The following NRXN1 variants were observed in gnomAD, a reference collection of about 807,000 sequenced individuals.
NRXN1 encodes neurexin-1.
NRXN1 carries 39 observed loss-of-function variants against 150.9 expected under a neutral mutation model. That is an observed-to-expected ratio of 0.26 (90% CI 0.20 to 0.34). The LOEUF is 0.34. Ranked by LOEUF, NRXN1 falls within the 10% of genes least tolerant of loss-of-function variation. NRXN1 has a pLI of 1.00. For missense variants in NRXN1, 1,815 were observed against 1,949.9 expected (o/e 0.93, Z 1.30); for synonymous variants, 924 against 757.0 (o/e 1.22, Z -3.62).
chr2:50,323,025 A>G (rs550635310), intron 17 of NRXN1, among the ~76,000 whole-genome samples: 1 of 152,330 alleles, frequency 6.6e-6, no homozygotes, highest in Admixed American at 6.5e-5. Context: ...GTAAGCATAA[A>G]AAACTATTTA....
At chr2:51,030,383 G>C (rs996791157) in intron 1 of NRXN1, among the ~76,000 whole-genome samples, 7 of 151,742 alleles carry the variant, frequency 4.6e-5, no homozygotes, top group African/African-American at 7.3e-5. Context: ...TTATGGCACC[G>C]CATTGTGCTG....
At chr2:50,872,389 G>C (rs965133845) in intron 5 of NRXN1, among the ~76,000 whole-genome samples, 4 of 151,750 alleles carry the variant, frequency 2.6e-5, no homozygotes, top group African/African-American at 9.7e-5. Context: ...GGAGTGTGGA[G>C]TACTTGCAGG....
At chr2:50,253,422 G>T (rs2067363018) in intron 17 of NRXN1, among the ~76,000 whole-genome samples, 1 of 152,062 alleles carries the variant, frequency 6.6e-6, no homozygotes, top group Non-Finnish European at 1.5e-5. Context: ...TTGCTCGTTT[G>T]CACTGACCAG....
At chr2:50,484,357 T>C (rs1381833289) in intron 15 of NRXN1, among the ~76,000 whole-genome samples, 2 of 152,202 alleles carry the variant, frequency 1.3e-5, no homozygotes, top group East Asian at 3.8e-4. Flanking sequence ...GTTGCTATAG[T>C]GTAATTTCCT....
At chr2:50,393,791 A>G (rs940407048) in intron 17 of NRXN1, among the ~76,000 whole-genome samples, 1 of 152,122 alleles carries the variant, frequency 6.6e-6, no homozygotes, top group African/African-American at 2.4e-5. Context: ...CTGCTGACAC[A>G]TACAATTCCC....
At chr2:50,552,459 C>T (rs1667672090) in intron 9 of NRXN1, 128 bp downstream of exon 9, 1 of 691,262 alleles carries the variant, frequency 1.4e-6, no homozygotes, top group Admixed American at 2.6e-5. Context: ...CAATATCAGG[C>T]AATTTCTTTT....
At chr2:50,937,299 G>A (rs549957124) in intron 2 of NRXN1, among the ~76,000 whole-genome samples, 1 of 151,930 alleles carries the variant, frequency 6.6e-6, no homozygotes, top group Non-Finnish European at 1.5e-5. Context: ...CCCTTCTTTT[G>A]TTCAGCTTCT....
At chr2:50,092,084 G>A (rs1034441968) in intron 18 of NRXN1, among the ~76,000 whole-genome samples, 9 of 152,122 alleles carry the variant, frequency 5.9e-5, no homozygotes, top group African/African-American at 2.2e-4. Context: ...GATAACACAG[G>A]AAGGTACAAG....
At chr2:50,095,763 AC>A (rs1482316026) in intron 18 of NRXN1, among the ~76,000 whole-genome samples, 1 of 29,290 alleles carries the variant, frequency 3.4e-5, no homozygotes, top group Non-Finnish European at 6.3e-5. Flanking sequence ...AGAACATCCG[AC>A]TTTTTTTTTT....
chr2:50,668,432 C>T (rs1414631639), intron 5 of NRXN1, among the ~76,000 whole-genome samples: 1 of 151,718 alleles, frequency 6.6e-6, no homozygotes, highest in African/African-American at 2.4e-5. Context: ...ATATTGGTAT[C>T]CATAAGTTAT....
At chr2:50,178,125 T>C (rs1256333482) in intron 18 of NRXN1, among the ~76,000 whole-genome samples, 1 of 152,098 alleles carries the variant, frequency 6.6e-6, no homozygotes, top group Non-Finnish European at 1.5e-5. Flanking sequence ...AGGAGGAAGA[T>C]TCTGAGTTTC....
chr2:50,977,635 T>C (rs1696077810), intron 2 of NRXN1, among the ~76,000 whole-genome samples: 1 of 151,890 alleles, frequency 6.6e-6, no homozygotes, highest in African/African-American at 2.4e-5. Context: ...TCCACCACAT[T>C]AAACACACTC....
chr2:50,756,002 G>C (rs1701117627), intron 5 of NRXN1, among the ~76,000 whole-genome samples: 2 of 151,760 alleles, frequency 1.3e-5, no homozygotes, highest in Non-Finnish European at 2.9e-5. Context: ...GAAGGAAAGG[G>C]AACAGGAGTA....
intron 17 of NRXN1, among the ~76,000 whole-genome samples, chr2:50,262,034 C>T (rs1354987182): frequency 1.3e-5 from 2 of 151,898 alleles, no homozygotes; most frequent in East Asian, 1.9e-4. Context: ...CGGCGTTAAC[C>T]TTGAACTTGA....
intron 18 of NRXN1, chr2:50,105,408 T>C (rs1701499371): frequency 6.6e-6 from 1 of 151,962 alleles, no homozygotes; most frequent in African/African-American, 2.4e-5. Context: ...ATTTTCAGAG[T>C]CTGTAAGAGA....
intron 2 of NRXN1, among the ~76,000 whole-genome samples, chr2:50,944,882 C>A (rs886348962): frequency 6.6e-6 from 1 of 152,214 alleles, no homozygotes; most frequent in Non-Finnish European, 1.5e-5. Context: ...CATAGGAATG[C>A]ATGTAAATTA....
chr2:50,309,038 A>C (rs781156517), intron 17 of NRXN1, among the ~76,000 whole-genome samples: 2 of 152,186 alleles, frequency 1.3e-5, no homozygotes, highest in East Asian at 3.9e-4. Context: ...ACCTAACATA[A>C]AGGGATCTCT....
intron 21 of NRXN1, among the ~76,000 whole-genome samples, chr2:49,954,119 A>G (rs767053801): frequency 1.1e-4 from 16 of 152,184 alleles, no homozygotes; most frequent in Non-Finnish European, 1.9e-4. Context: ...CCCAATGTCC[A>G]TTTACCTGAA....
intron 18 of NRXN1, among the ~76,000 whole-genome samples, chr2:50,175,723 C>T (rs934343510): frequency 6.6e-6 from 1 of 151,780 alleles, no homozygotes; most frequent in African/African-American, 2.4e-5. Context: ...GAGAACTAGA[C>T]CAGGTAACAC....
Sources: allele counts gnomAD v4.1 joint callset (sites outside exome capture counted in the v4.1 genomes callset), GRCh38; gene constraint gnomAD v4.1.1; transcripts MANE v1.5; gene names NCBI Gene and HGNC (gene_info 2026-07-23, HGNC 2026-07-21).